The following PRSS48 variants were observed in gnomAD, a reference collection of about 807,000 sequenced individuals.
PRSS48 encodes the protein epidermis-specific serine protease-like protein.
PRSS48 carries 21 observed loss-of-function variants against 25.6 expected under a neutral mutation model. The observed-to-expected ratio is 0.82, with a 90% CI of 0.58 to 1.18. The LOEUF is 1.18. PRSS48 is among the 50% of genes most tolerant of loss of function. The probability of loss-of-function intolerance (pLI) is 0.00; values close to 1 mark genes in which losing one functional copy is unlikely to be tolerated. For synonymous variants in PRSS48, 150 were observed against 149.3 expected (o/e 1.00, Z -0.04); for missense variants, 373 against 399.3 (o/e 0.93, Z 0.56).
chr4:151,287,515 T>C (rs1774925335), intron 4 of PRSS48, among the ~76,000 whole-genome samples: 1 of 152,208 alleles, frequency 6.6e-6, no homozygotes. Flanking sequence ...AAGGACTATA[T>C]ATACCGGAAT....
chr4:151,283,375 GA>G, intron 4 of PRSS48, 89 bp downstream of exon 4: 1 of 1,187,028 alleles, frequency 8.4e-7, no homozygotes, highest in Non-Finnish European at 1.2e-6. Flanking sequence ...AGTGGATTGG[GA>G]GTCAGGAGAT....
intron 4 of PRSS48, among the ~76,000 whole-genome samples, chr4:151,286,617 C>G (rs1363087357): frequency 6.9e-6 from 1 of 144,712 alleles, no homozygotes; most frequent in African/African-American, 2.5e-5. Context: ...AAAAAAAAAA[C>G]TACGAAGAAA....
chr4:151,282,123 C>G (rs1458976358), intron 2 of PRSS48, 25 bp from the exon 3 acceptor site: 3 of 1,610,770 alleles, frequency 1.9e-6, no homozygotes, highest in Middle Eastern at 1.7e-4. Flanking sequence ...AGGCCATAAG[C>G]AGGCCTCCTT....
At chr4:151,287,438 T>C (rs369664631) in intron 4 of PRSS48, among the ~76,000 whole-genome samples, 5 of 151,412 alleles carry the variant, frequency 3.3e-5, no homozygotes, top group African/African-American at 7.3e-5. Flanking sequence ...AAGGAAGCTA[T>C]AGACCAGTAT....
chr4:151,286,466 A>AT (rs1774797567), intron 4 of PRSS48, among the ~76,000 whole-genome samples: 2 of 151,708 alleles, frequency 1.3e-5, no homozygotes. Flanking sequence ...TATGAATAAC[A>AT]GTATGCCAAA....
intron 4 of PRSS48, among the ~76,000 whole-genome samples, chr4:151,283,559 C>T (rs2150010515): frequency 6.7e-6 from 1 of 149,494 alleles, no homozygotes; most frequent in East Asian, 2.0e-4. Context: ...GCTCTGTCAC[C>T]CAGGCTTGAG....
chr4:151,291,271 G>A, exon 5 of PRSS48: 1 of 1,614,006 alleles, frequency 6.2e-7, no homozygotes, highest in Non-Finnish European at 8.5e-7. Context: ...TATTTCAAGA[G>A]CCAACAATCT....
At position 151,279,533 on chromosome 4, in the gene PRSS48, G is replaced by C. The variant is rs114331935; in HGVS notation, c.53-263G>C. ...TTCAGTGAATCTAGATATTAGATGTGTTACTATGTGTTAATGATACCCTAT... is the reference window on the plus strand; with the variant it reads ...TTCAGTGAATCTAGATATTAGATGTCTTACTATGTGTTAATGATACCCTAT... On this transcript the variant is annotated intron_variant, in intron 1 of 4. Transcript: ENST00000455694. 6.8e-3 allele frequency among the ~76,000 whole-genome samples: 1,042 copies of C among 152,262 alleles called. 7 individuals carry two copies. The highest frequency in any genetic ancestry group is 0.023 in the African/African-American group (963 of 41,538).
At position 151,281,909 on chromosome 4, in the gene PRSS48, CAG is replaced by C. The variant is rs374253757; in HGVS notation, c.216-238_216-237del. Among the ~76,000 whole-genome samples the C allele has an allele frequency of 2.2e-3, 331 of 152,032 alleles. 10 individuals carry two copies. The South Asian group carries it at 0.061, about 28-fold the overall frequency. On this transcript the variant is annotated intron_variant, in intron 2 of 4. Transcript: ENST00000455694. ...AAATGAGAGAACCGGAGAGAAAACA[CAG>C]GGCAAAACTCAAGCCACAAGCCTCT...
intron 1 of PRSS48, 141 bp from the exon 2 acceptor site, chr4:151,279,655 G>A (rs558027116): frequency 2.8e-6 from 2 of 723,928 alleles, no homozygotes; most frequent in African/African-American, 3.5e-5. Flanking sequence ...GCTGGGTGTG[G>A]AACCAGAATA....
In PRSS48 at chr4:151,282,338, C is replaced by T. The variant is rs916874734; in HGVS notation, c.406C>T (p.Pro136Ser). ...TTCTGCCATCCTGCCTATTTGCTTG[C>T]CCAGTGTCACAAAGCAGTTGGCAAT... The change falls in exon 3 of 5, where the codon CCC becomes TCC. Residue 136 changes from proline to serine, a missense_variant. Coordinates refer to ENST00000455694, the Ensembl canonical transcript of PRSS48. 5.0e-6 allele frequency: 8 copies of T among 1,613,802 alleles called. No homozygotes were observed. The Admixed American group carries it at 1.0e-4, about 20-fold the overall frequency.
exon 5 of PRSS48, chr4:151,291,229 G>A (rs892619157): frequency 1.3e-5 from 21 of 1,613,728 alleles, no homozygotes; most frequent in Non-Finnish European, 1.8e-5. Flanking sequence ...CTACACCAAT[G>A]TAATCTACTA....
chr4:151,289,295 A>G (rs954012605), intron 4 of PRSS48, among the ~76,000 whole-genome samples: 1 of 152,210 alleles, frequency 6.6e-6, no homozygotes, highest in Non-Finnish European at 1.5e-5. Flanking sequence ...AAAAACATAT[A>G]GGTAGGTCTT....
chr4:151,285,799 C>G (rs1300344666), intron 4 of PRSS48, among the ~76,000 whole-genome samples: 1 of 151,862 alleles, frequency 6.6e-6, no homozygotes, highest in African/African-American at 2.4e-5. Flanking sequence ...CCCAGAAGTT[C>G]ACATATGTAG....
intron 4 of PRSS48, among the ~76,000 whole-genome samples, chr4:151,286,852 T>C (rs913086139): frequency 2.6e-5 from 4 of 151,718 alleles, no homozygotes; most frequent in African/African-American, 4.8e-5. Flanking sequence ...TGGTGGCATG[T>C]GCCTGTATTC....
chr4:151,281,850 G>A (rs1774266655), intron 2 of PRSS48, among the ~76,000 whole-genome samples: 1 of 152,100 alleles, frequency 6.6e-6, no homozygotes, highest in Admixed American at 6.6e-5. Context: ...TAAGCATACA[G>A]GTGATGGCTG....
intron 4 of PRSS48, among the ~76,000 whole-genome samples, chr4:151,284,285 T>C (rs914017904): frequency 9.8e-5 from 15 of 152,346 alleles, no homozygotes; most frequent in South Asian, 4.1e-4. Flanking sequence ...GTTCTTCAAA[T>C]TGGATATTTT....
intron 2 of PRSS48, 95 bp from the exon 3 acceptor site, chr4:151,282,053 C>A: frequency 1.5e-6 from 2 of 1,298,924 alleles, no homozygotes; most frequent in Non-Finnish European, 2.1e-6. Context: ...AGTTGGCTAC[C>A]CTCCTTTCTT....
intron 1 of PRSS48, among the ~76,000 whole-genome samples, chr4:151,278,662 A>G (rs927514167): frequency 6.6e-6 from 1 of 151,130 alleles, no homozygotes; most frequent in Non-Finnish European, 1.5e-5. Flanking sequence ...ACAGGGTCTC[A>G]CTCTCTCGCC....
Sources: allele counts gnomAD v4.1 joint callset (sites outside exome capture counted in the v4.1 genomes callset), GRCh38; gene constraint gnomAD v4.1.1; transcripts MANE v1.5; gene names NCBI Gene and HGNC (gene_info 2026-07-23, HGNC 2026-07-21).